Variants in FYN observed in about 807,000 individuals in gnomAD.
FYN encodes the protein FYN proto-oncogene, Src family tyrosine kinase.
Under a neutral mutation model 70.2 loss-of-function variants are expected in FYN, and 10 were observed. That is an observed-to-expected ratio of 0.14 (90% confidence interval 0.09 to 0.24). The LOEUF (loss-of-function observed/expected upper bound fraction) is 0.24. Among genes scored for constraint, FYN ranks in the 10% least tolerant of loss-of-function variants. The probability of loss-of-function intolerance (pLI) is 1.00; values close to 1 mark genes in which losing one functional copy is unlikely to be tolerated. For missense variants in FYN, 319 were observed against 673.1 expected, an observed-to-expected ratio of 0.47 and a Z score of 5.82; for synonymous variants, 236 against 248.6, an observed-to-expected ratio of 0.95 and a Z score of 0.48.
intron 3 of FYN, among the ~76,000 whole-genome samples, chr6:111,753,062 TG>T (rs1490980487): frequency 6.6e-6 from 1 of 152,200 alleles, no homozygotes; most frequent in Non-Finnish European, 1.5e-5. Flanking sequence ...CTATATATAT[TG>T]AAATCTCAAT....
In FYN at chr6:111,801,042, A is replaced by C. The variant is rs1411963006; in HGVS notation, c.-81-20407T>G. ...CACAGACAGTAGAAGGACCTCTGCC[A>C]ACAAATTACAAGTCCACAACATTAA... On this transcript the variant is annotated intron_variant, in intron 2 of 13. Transcript: ENST00000354650. Among the ~76,000 whole-genome samples the C allele has an allele frequency of 2.6e-5, 4 of 152,234 alleles. No homozygotes were observed. In the East Asian group the frequency reaches 5.8e-4, roughly 22 times the overall value.
intron 1 of FYN, among the ~76,000 whole-genome samples, chr6:111,872,502 C>T (rs2114260310): frequency 7.3e-6 from 1 of 136,088 alleles, no homozygotes; most frequent in Non-Finnish European, 1.6e-5. Context: ...AGGCGACCGC[C>T]GCCGAGGGAG....
chr6:111,711,522 G>A (rs983540224), intron 5 of FYN, among the ~76,000 whole-genome samples: 13 of 152,218 alleles, frequency 8.5e-5, no homozygotes, highest in Admixed American at 7.9e-4. Flanking sequence ...CTGGGTAGCA[G>A]GAACACCGCC....
intron 1 of FYN, 84 bp from the exon 2 acceptor site, chr6:111,846,713 T>C (rs956764955): frequency 8.3e-5 from 33 of 398,028 alleles, no homozygotes; most frequent in South Asian, 2.6e-4. Flanking sequence ...AGCACCACCA[T>C]AGAATTTCCA....
intron 12 of FYN, among the ~76,000 whole-genome samples, chr6:111,693,950 T>C (rs1015430193): frequency 1.3e-5 from 2 of 152,184 alleles, no homozygotes; most frequent in Non-Finnish European, 2.9e-5. Context: ...TTAGTTCTGT[T>C]GCTGTTACAA....
At chr6:111,864,022 C>T (rs746297815) in intron 1 of FYN, among the ~76,000 whole-genome samples, 1 of 152,176 alleles carries the variant, frequency 6.6e-6, no homozygotes, top group Non-Finnish European at 1.5e-5. Context: ...TGGCCCATAC[C>T]CACTGAATCC....
rs73766721 is a variant in FYN, at chr6:111,756,518, G to C, written c.-12+24048C>G. On this transcript the variant is annotated intron_variant, in intron 3 of 13. Coordinates refer to ENST00000354650, the MANE Select transcript of FYN (RefSeq NM_002037.5). ...CTCAGAACCAAATCCAAGATGGTAG[G>C]AAAAAGGAAAATTATGGACCACTCT... 2.4e-3 allele frequency among the ~76,000 whole-genome samples: 368 copies of C among 151,646 alleles called. 1 individual carries two copies. Among genetic ancestry groups the C allele is most frequent in the African/African-American group, 8.7e-3 (359 of 41,460 alleles).
At chr6:111,819,489 AAATAG>A (rs1772590012) in intron 2 of FYN, among the ~76,000 whole-genome samples, 1 of 152,102 alleles carries the variant, frequency 6.6e-6, no homozygotes, top group African/African-American at 2.4e-5. Flanking sequence ...ACAGTCCCTG[AAATAG>A]AATATTCTTT....
chr6:111,665,783 G>C (rs1186122240), intron 13 of FYN, among the ~76,000 whole-genome samples: 1 of 149,950 alleles, frequency 6.7e-6, no homozygotes, highest in Non-Finnish European at 1.5e-5. Context: ...CACTACACCT[G>C]GCTAATTTTT....
chr6:111,724,807 C>T lies in FYN; in HGVS notation c.-11-4745G>A, dbSNP rs186303057. ...GCCTCCAGCAGACTTTGGAGAGTGA[C>T]AGGTAAAGCCACATTTGGCCCGTAC... is the stretch of plus-strand genomic sequence containing the variant. On this transcript the variant is annotated intron_variant, in intron 3 of 13. Transcript: ENST00000354650. Among the ~76,000 whole-genome samples, 4 of 152,246 alleles carry T rather than the reference C, an allele frequency of 2.6e-5. No homozygotes were observed. The East Asian group carries it at 7.7e-4, about 29-fold the overall frequency.
intron 2 of FYN, among the ~76,000 whole-genome samples, chr6:111,833,586 C>T (rs1461288902): frequency 2.0e-5 from 3 of 152,192 alleles, no homozygotes; most frequent in African/African-American, 7.2e-5. Flanking sequence ...GACAATGTGA[C>T]CCACAGTCCA....
At chr6:111,703,880 A>C in intron 7 of FYN, 119 bp downstream of exon 7, 1 of 735,666 alleles carries the variant, frequency 1.4e-6, no homozygotes. Context: ...CTCCACTCAC[A>C]AGGCAGGGAG....
intron 3 of FYN, among the ~76,000 whole-genome samples, chr6:111,777,263 T>C (rs923969332): frequency 6.6e-6 from 1 of 152,224 alleles, no homozygotes; most frequent in African/African-American, 2.4e-5. Flanking sequence ...ATAGAAGGGA[T>C]AGCCTCTTAG....
intron 6 of FYN, 37 bp downstream of exon 6, chr6:111,707,872 CAATCAACTTTTAA>C (rs1391859117): frequency 7.2e-7 from 1 of 1,396,442 alleles, no homozygotes; most frequent in African/African-American, 1.4e-5. Context: ...TTTATTGCGG[CAATCAACTTTTAA>C]AATCAAGTAG....
At chr6:111,859,076 T>C (rs1773894347) in intron 1 of FYN, among the ~76,000 whole-genome samples, 1 of 152,086 alleles carries the variant, frequency 6.6e-6, no homozygotes, top group Admixed American at 6.6e-5. Flanking sequence ...TTTCCTCAAC[T>C]GAGGGCCCCC....
At chr6:111,864,321 G>A (rs1369556564) in intron 1 of FYN, among the ~76,000 whole-genome samples, 1 of 152,194 alleles carries the variant, frequency 6.6e-6, no homozygotes, top group Non-Finnish European at 1.5e-5. Context: ...TCCCAGCTCT[G>A]TCACTTACTC....
chr6:111,699,913 CTTTTTTTTTTTTTTTTTT>C, intron 9 of FYN, 173 bp downstream of exon 9: 1 of 185,800 alleles, frequency 5.4e-6, no homozygotes, highest in Non-Finnish European at 9.9e-6. Flanking sequence ...CACTTACTAT[CTTTTTTTTTTTTTTTTTT>C]TTTTTTTAGG....
chr6:111,813,634 A>T (rs1772395108), intron 2 of FYN, among the ~76,000 whole-genome samples: 1 of 152,214 alleles, frequency 6.6e-6, no homozygotes, highest in Non-Finnish European at 1.5e-5. Context: ...GAAGTTGCAG[A>T]CTTAAATCAG....
At chr6:111,713,547 C>A (rs976498264) in intron 5 of FYN, among the ~76,000 whole-genome samples, 1 of 152,016 alleles carries the variant, frequency 6.6e-6, no homozygotes, top group African/African-American at 2.4e-5. Flanking sequence ...ACCCCACCCC[C>A]CCACACTTTC....
Sources: allele counts gnomAD v4.1 joint callset (sites outside exome capture counted in the v4.1 genomes callset), GRCh38; gene constraint gnomAD v4.1.1; transcripts MANE v1.5; gene names NCBI Gene and HGNC (gene_info 2026-07-23, HGNC 2026-07-21).